AMZ1: variants seen among roughly 807,000 people sequenced by gnomAD.
The protein encoded by AMZ1 is archaemetzincin-1.
Under a neutral mutation model 29.9 loss-of-function variants are expected in AMZ1, and 39 were observed. The observed-to-expected ratio is 1.30, with a 90% confidence interval of 1.01 to 1.70. The LOEUF is 1.70. Among genes scored for constraint, AMZ1 ranks in the 40% most tolerant of loss-of-function variants. The probability of loss-of-function intolerance (pLI) is 0.00; values close to 1 mark genes in which losing one functional copy is unlikely to be tolerated. For synonymous variants in AMZ1, 458 were observed against 304.0 expected, an observed-to-expected ratio of 1.51 and a Z score of -5.27; for missense variants, 1,041 against 680.6, an observed-to-expected ratio of 1.53 and a Z score of -5.89.
Position 2,700,527 on chromosome 7 carries a change from G to C in AMZ1, c.76G>C (p.Ala26Pro). 6.2e-7 allele frequency: 1 copy of C among 1,608,226 alleles called. No individual in the cohort carries two copies. Among genetic ancestry groups the C allele is most frequent in the Middle Eastern group, 1.6e-4 (1 of 6,062 alleles). ...ALKDALVSTD[A>P]ALQQLYVSAF... ...GAAGGACGCTCTGGTCTCCACTGAC[G>C]CAGCCCTGCAGCAGCTGTATGTGTC... The change falls in exon 2 of 7, where the codon GCA (alanine) becomes CCA (proline). Residue 26 changes from alanine to proline, a missense_variant. Ala to Pro is a conservative substitution (Grantham distance 27). Coordinates refer to ENST00000683327, the MANE Select transcript of AMZ1 (RefSeq NM_001384743.1).
intron 4 of AMZ1, among the ~76,000 whole-genome samples, chr7:2,748,284 A>G (rs939353115): frequency 2.0e-5 from 3 of 152,176 alleles, no homozygotes; most frequent in Non-Finnish European, 4.4e-5. Context: ...AGTAACCAAA[A>G]CAGCATGGTA....
intron 1 of AMZ1, among the ~76,000 whole-genome samples, chr7:2,691,391 G>A (rs367846555): frequency 6.7e-6 from 1 of 148,376 alleles, no homozygotes; most frequent in East Asian, 1.9e-4. Flanking sequence ...AGTCTCCTGG[G>A]TTATGACATG....
Position 2,712,664 on chromosome 7 carries a change from T to G in AMZ1, c.1283T>G (p.Val428Gly), listed in dbSNP as rs772141706. 4 of 1,613,016 alleles carry G rather than the reference T, an allele frequency of 2.5e-6. No individual in the cohort carries two copies. Among genetic ancestry groups the G allele is most frequent in the Non-Finnish European group, 3.4e-6 (4 of 1,179,906 alleles). Residue 428 changes from valine (V) to glycine (G), a missense_variant, in exon 7 of 7, where the codon GTG (valine) becomes GGG (glycine). By Grantham distance (109) the Val-to-Gly change is moderately radical (BLOSUM62 -3). Transcript: ENST00000683327. ...CGGGAAGTGGCAGAGGAGGACCTGG[T>G]GCAGGTGGACAGAGCCGTGGACGCC... is the stretch of plus-strand genomic sequence containing the variant. ...LQREVAEEDL[V>G]QVDRAVDALD... is the part of the protein sequence containing the mutation.
Position 2,755,164 on chromosome 7 carries a change from T to G in AMZ1, n.551-9548T>G, listed in dbSNP as rs541373670. Among the ~76,000 whole-genome samples, 8 of 150,968 alleles carry G rather than the reference T, an allele frequency of 5.3e-5. No individual in the cohort carries two copies. In the South Asian group the frequency reaches 1.3e-3, roughly 25 times the overall value. On this transcript the variant is annotated intron_variant and non_coding_transcript_variant, in intron 4 of 4. Coordinates refer to the AMZ1 transcript ENST00000489665. ...GCCAGCACCACACAGGCCTGACCAC[T>G]GCAGGGAGACAACAGGCCTTGGAAT...
At chr7:2,682,782 C>T (rs1216453843) in intron 1 of AMZ1, among the ~76,000 whole-genome samples, 1 of 151,808 alleles carries the variant, frequency 6.6e-6, no homozygotes, top group Non-Finnish European at 1.5e-5. Context: ...ATCTCTTCTC[C>T]AGCTTTTCTG....
chr7:2,718,117 C>A lies in AMZ1; in HGVS notation c.*5239C>A, dbSNP rs962277760. Among the ~76,000 whole-genome samples the A allele has an allele frequency of 5.9e-5, 9 of 152,212 alleles. No individual in the cohort carries two copies. The highest frequency in any genetic ancestry group is 1.9e-4 in the African/African-American group (8 of 41,454). ...AACCAGAGACGACACCTACCAGATT[C>A]CACCACTGAGGCCTCCCTCGATGCC... On this transcript the variant is annotated 3_prime_UTR_variant, in exon 7 of 7. Transcript: ENST00000683327.
upstream of AMZ1, among the ~76,000 whole-genome samples, chr7:2,683,876 T>C (rs1187153532): frequency 6.6e-6 from 1 of 151,646 alleles, no homozygotes; most frequent in Admixed American, 6.6e-5. Flanking sequence ...CCTCTTTCTC[T>C]CTCTTTTTAA....
In AMZ1 at chr7:2,713,539, GCA is replaced by G. The variant is rs1489367777; in HGVS notation, c.*666_*667del. 6.6e-6 allele frequency: 1 copy of G among 152,536 alleles called. No individual in the cohort carries two copies. Among genetic ancestry groups the G allele is most frequent in the Non-Finnish European group, 1.5e-5 (1 of 68,202 alleles). 9.4% of individuals were successfully genotyped at this position (152,536 alleles called of 1,614,324 possible). On this transcript the variant is annotated 3_prime_UTR_variant, in exon 7 of 7. Coordinates refer to ENST00000683327, the MANE Select transcript of AMZ1 (RefSeq NM_001384743.1). Reference sequence around the variant, plus strand: ...GCTCAGATGAGGAGTGACCCCGGGGGCACACAGGCTCCACACTGCCACCCAGC... The same window carrying G: ...GCTCAGATGAGGAGTGACCCCGGGGGCACAGGCTCCACACTGCCACCCAGC...
chr7:2,689,127 C>A (rs1787229059), intron 1 of AMZ1, among the ~76,000 whole-genome samples: 2 of 152,256 alleles, frequency 1.3e-5, no homozygotes, highest in Admixed American at 6.5e-5. Context: ...CCGTCTGGTT[C>A]TGCCTGAAGG....
rs1789258359 is a variant in AMZ1 at position 2,718,462 on chromosome 7, C to T, written c.*5584C>T. On this transcript the variant is annotated 3_prime_UTR_variant, in exon 7 of 7. Transcript: ENST00000683327. ...GTGGGCCTCCTTCAGTGGTCTGTGACCAGCGGGAATGAATGGGGACGTGTT... is the reference window on the plus strand; with the variant it reads ...GTGGGCCTCCTTCAGTGGTCTGTGATCAGCGGGAATGAATGGGGACGTGTT... Among the ~76,000 whole-genome samples, 1 of 152,208 alleles carries T rather than the reference C, an allele frequency of 6.6e-6. No individual in the cohort carries two copies. Among genetic ancestry groups the T allele is most frequent in the Non-Finnish European group, 1.5e-5 (1 of 68,034 alleles).
At position 2,719,172 on chromosome 7, in the gene AMZ1, C is replaced by T. The variant is rs1789306089; in HGVS notation, c.*6294C>T. 6.6e-6 allele frequency among the ~76,000 whole-genome samples: 1 copy of T among 152,198 alleles called. No individual in the cohort carries two copies. The highest frequency in any genetic ancestry group is 6.5e-5 in the Admixed American group (1 of 15,278). On this transcript the variant is annotated 3_prime_UTR_variant, in exon 7 of 7. Transcript: ENST00000683327. The stretch of plus-strand genomic sequence containing the variant: ...ATGCGGGCAGCAGCTTTGTCGGCTG[C>T]CAACCCAACTCCTCCGACAGAACGG...
At chr7:2,707,286 AAAC>A (rs1473948528) in intron 3 of AMZ1, among the ~76,000 whole-genome samples, 1 of 151,484 alleles carries the variant, frequency 6.6e-6, no homozygotes, top group African/African-American at 2.4e-5. Flanking sequence ...CAAAAAAAAA[AAAC>A]AAAAAAACAC....
At chr7:2,701,031 C>T (rs889330277) in intron 2 of AMZ1, among the ~76,000 whole-genome samples, 5 of 152,216 alleles carry the variant, frequency 3.3e-5, no homozygotes, top group Admixed American at 2.6e-4. Flanking sequence ...CTGGCTACGC[C>T]TGTTGAAACT....
intron 4 of AMZ1, among the ~76,000 whole-genome samples, chr7:2,732,048 A>T (rs1407287282): frequency 2.0e-5 from 3 of 152,164 alleles, no homozygotes; most frequent in Non-Finnish European, 4.4e-5. Flanking sequence ...GAAATTTACC[A>T]TCTTTTTTGT....
rs1788938517 is a variant in AMZ1 at position 2,713,561 on chromosome 7, C to G, written c.*683C>G. On this transcript the variant is annotated 3_prime_UTR_variant, in exon 7 of 7. Transcript: ENST00000683327. Reference sequence around the variant, plus strand: ...GGGGCACACAGGCTCCACACTGCCACCCAGCTTCCAAGGCTGAGTCTCCTC... The same window carrying G: ...GGGGCACACAGGCTCCACACTGCCAGCCAGCTTCCAAGGCTGAGTCTCCTC... 6.6e-6 allele frequency: 1 copy of G among 152,658 alleles called. No individual in the cohort carries two copies. The highest frequency in any genetic ancestry group is 1.9e-4 in the East Asian group (1 of 5,334). The allele number at this position is 152,658 out of a possible 1,614,324, so 9.5% of individuals were successfully genotyped here.
chr7:2,754,959 T>A (rs532540899), intron 4 of AMZ1, among the ~76,000 whole-genome samples: 1 of 152,318 alleles, frequency 6.6e-6, no homozygotes, highest in South Asian at 2.1e-4. Flanking sequence ...TTGAATTAAT[T>A]TTGTATAAGA....
intron 6 of AMZ1, among the ~76,000 whole-genome samples, chr7:2,711,062 G>A (rs1296020937): frequency 6.6e-6 from 1 of 152,230 alleles, no homozygotes; most frequent in African/African-American, 2.4e-5. Context: ...TGCTGACCTG[G>A]CATAGCCTGG....
At position 2,731,062 on chromosome 7, in the gene AMZ1, T is replaced by C. The variant is rs956876526; in HGVS notation, n.550+21246T>C. 1.5e-6 allele frequency: 1 copy of C among 655,132 alleles called. No homozygotes were observed. The highest frequency in any genetic ancestry group is 2.6e-6 in the Non-Finnish European group (1 of 383,364). 40.6% of individuals were successfully genotyped at this position (655,132 alleles called of 1,614,324 possible). ...GGTCTGACAGCATTCCTGAGCCAGGTATTCCAGGGCACGGATCCGAGAAAC... is the reference window on the plus strand; with the variant it reads ...GGTCTGACAGCATTCCTGAGCCAGGCATTCCAGGGCACGGATCCGAGAAAC... On this transcript the variant is annotated intron_variant and non_coding_transcript_variant, in intron 4 of 4. Transcript: ENST00000489665. This position sits in a 1 kb window ranked among gnomAD's most constrained non-coding sequence, Gnocchi z 6.0.
At chr7:2,692,280 C>A (rs988653625) in intron 1 of AMZ1, among the ~76,000 whole-genome samples, 1 of 152,128 alleles carries the variant, frequency 6.6e-6, no homozygotes, top group African/African-American at 2.4e-5. Context: ...GTGGCTCACG[C>A]CTGTAATCCC....
Sources: gnomAD v4.1 joint callset for allele counts (sites outside exome capture counted in the v4.1 genomes callset) on GRCh38, gnomAD v4.1.1 for gene constraint, Gnocchi (gnomAD v3.1) non-coding constraint, MANE v1.5 for transcripts, NCBI Gene and HGNC (gene_info 2026-07-23, HGNC 2026-07-21) for gene names.